C3orf49: variants seen among roughly 807,000 people sequenced by gnomAD.
C3orf49 encodes chromosome 3 open reading frame 49, also known as putative uncharacterized protein C3orf49.
C3orf49 carries 27 observed loss-of-function variants against 13.3 expected under a neutral mutation model. That is an observed-to-expected ratio of 2.02 (90% confidence interval 1.49 to 2.79). C3orf49 has a LOEUF of 2.79. Among genes scored for constraint, C3orf49 ranks in the 30% most tolerant of loss-of-function variants. C3orf49 has a pLI of 0.00. For synonymous variants in C3orf49, 87 were observed against 47.6 expected, an observed-to-expected ratio of 1.83 and a Z score of -3.40; for missense variants, 242 against 134.2, an observed-to-expected ratio of 1.80 and a Z score of -3.97.
intron 1 of C3orf49, 103 bp from the exon 2 acceptor site, chr3:63,823,144 TGAA>T: frequency 2.8e-5 from 16 of 567,562 alleles, no homozygotes; most frequent in African/African-American, 5.6e-5. Flanking sequence ...TTTTTTTTTC[TGAA>T]TTGTATAATT....
chr3:63,845,060 C>A lies in C3orf49; in HGVS notation c.*8C>A, dbSNP rs1701858616. ...GGACCTGGAGACAGCTGACCTGAGA[C>A]TCCTTGAGGAACACAGGAAAAGGTG... On this transcript the variant is annotated 3_prime_UTR_variant, in exon 6 of 7. Transcript: ENST00000295896. 1.4e-6 allele frequency: 1 copy of A among 699,624 alleles called. No homozygotes were observed. The highest frequency in any genetic ancestry group is 2.6e-6 in the Non-Finnish European group (1 of 383,150). The allele number at this position is 699,624 out of a possible 1,614,324, so 43.3% of individuals were successfully genotyped here.
At chr3:63,817,326 G>T (rs893735921), upstream of C3orf49, among the ~76,000 whole-genome samples, 2 of 151,970 alleles carry the variant, frequency 1.3e-5, no homozygotes, top group Non-Finnish European at 2.9e-5. Flanking sequence ...AAATTAAAAT[G>T]TTCATTTCCT....
chr3:63,809,767 C>A, the C3orf49 span, among the ~76,000 whole-genome samples: 1 of 152,164 alleles, frequency 6.6e-6, no homozygotes, highest in Non-Finnish European at 1.5e-5. Context: ...GTGCATCTTC[C>A]CTGGATCTCT....
chr3:63,784,647 A>C, the C3orf49 span: 1 of 152,222 alleles, frequency 6.6e-6, no homozygotes. Context: ...ACCTGAGGTC[A>C]GGAATTTGAG....
the C3orf49 span, among the ~76,000 whole-genome samples, chr3:63,782,081 T>C: frequency 2.0e-5 from 3 of 152,208 alleles, no homozygotes; most frequent in Non-Finnish European, 4.4e-5. Flanking sequence ...TGAATCACTG[T>C]TGACCCTCAA....
At chr3:63,782,820 C>A in the C3orf49 span, 1 of 152,220 alleles carries the variant, frequency 6.6e-6, no homozygotes, top group Non-Finnish European at 1.5e-5. Flanking sequence ...TTATAGCAAA[C>A]AGAACTTATG....
At chr3:63,815,422 C>T (rs940577693), upstream of C3orf49, among the ~76,000 whole-genome samples, 1 of 152,140 alleles carries the variant, frequency 6.6e-6, no homozygotes, top group African/African-American at 2.4e-5. Context: ...CTCACTTTTT[C>T]CTCTCCAATG....
At chr3:63,846,820 G>A (rs1489451874) in intron 6 of C3orf49, among the ~76,000 whole-genome samples, 1 of 152,122 alleles carries the variant, frequency 6.6e-6, no homozygotes, top group Non-Finnish European at 1.5e-5. Context: ...ATAGTCTCCT[G>A]AGAATTCTAT....
At chr3:63,781,995 T>A in the C3orf49 span, among the ~76,000 whole-genome samples, 1 of 152,216 alleles carries the variant, frequency 6.6e-6, no homozygotes, top group South Asian at 2.1e-4. Context: ...CGAGCCTATC[T>A]GGCTCTAGAG....
upstream of C3orf49, among the ~76,000 whole-genome samples, chr3:63,815,583 T>A (rs72886401): frequency 8.7e-4 from 132 of 152,270 alleles, no homozygotes; most frequent in African/African-American, 3.1e-3. Flanking sequence ...CATGTCGTTT[T>A]CTGTCTTTGA....
intron 6 of C3orf49, among the ~76,000 whole-genome samples, chr3:63,848,139 G>A (rs777217496): frequency 1.9e-4 from 29 of 152,156 alleles, no homozygotes; most frequent in Non-Finnish European, 3.8e-4. Context: ...AAATGGCCCT[G>A]CAAAGTTGTC....
At chr3:63,800,202 C>T in the C3orf49 span, among the ~76,000 whole-genome samples, 1 of 152,148 alleles carries the variant, frequency 6.6e-6, no homozygotes, top group African/African-American at 2.4e-5. Flanking sequence ...AACCACTAGG[C>T]ACTGTTATTC....
At chr3:63,823,120 G>T in intron 1 of C3orf49, 130 bp from the exon 2 acceptor site, 1 of 575,400 alleles carries the variant, frequency 1.7e-6, no homozygotes, top group Non-Finnish European at 3.1e-6. Context: ...TTGATTCTTG[G>T]TCTTCAATTT....
chr3:63,836,971 A>T (rs1701647324), intron 5 of C3orf49, among the ~76,000 whole-genome samples: 2 of 151,948 alleles, frequency 1.3e-5, no homozygotes, highest in Admixed American at 1.3e-4. Flanking sequence ...TTTTTAGATG[A>T]CTTTAGAACT....
intron 3 of C3orf49, among the ~76,000 whole-genome samples, chr3:63,830,724 T>A (rs1302437308): frequency 2.0e-5 from 3 of 152,054 alleles, no homozygotes; most frequent in African/African-American, 7.2e-5. Context: ...GAGACCAAAT[T>A]AACAACTAGA....
upstream of C3orf49, among the ~76,000 whole-genome samples, chr3:63,815,374 C>T (rs1042173198): frequency 2.3e-4 from 35 of 152,272 alleles, no homozygotes; most frequent in Middle Eastern, 3.4e-3. Flanking sequence ...CATCTGTTGC[C>T]GGCCTGGACC....
chr3:63,819,984 C>G (rs926744072), intron 1 of C3orf49, among the ~76,000 whole-genome samples: 1 of 152,170 alleles, frequency 6.6e-6, no homozygotes, highest in Non-Finnish European at 1.5e-5. Flanking sequence ...TCTCCTATCC[C>G]AGCAATTTGG....
At chr3:63,839,888 T>C in intron 5 of C3orf49, 1 of 808,460 alleles carries the variant, frequency 1.2e-6, no homozygotes, top group Non-Finnish European at 2.0e-6. Flanking sequence ...TGTAAATGCA[T>C]TTAATGCCAC....
At chr3:63,781,506 GT>G in the C3orf49 span, among the ~76,000 whole-genome samples, 3 of 152,052 alleles carry the variant, frequency 2.0e-5, 1 homozygote, top group African/African-American at 4.8e-5. Flanking sequence ...CTTTAAAGTA[GT>G]TTTTTTCCAA....
Sources: allele counts gnomAD v4.1 joint callset (sites outside exome capture counted in the v4.1 genomes callset), GRCh38; gene constraint gnomAD v4.1.1; transcripts MANE v1.5; gene names NCBI Gene and HGNC (gene_info 2026-07-23, HGNC 2026-07-21).